The following DYNC1I1 variants were observed in gnomAD, a reference collection of about 807,000 sequenced individuals.
The protein encoded by DYNC1I1 is cytoplasmic dynein 1 intermediate chain 1.
DYNC1I1 carries 43 observed loss-of-function variants against 86.6 expected under a neutral mutation model. The observed-to-expected ratio is 0.50, with a 90% CI of 0.39 to 0.64. The LOEUF is 0.64. Ranked by LOEUF, DYNC1I1 falls within the 30% of genes least tolerant of loss-of-function variation. The pLI is 0.00. For synonymous variants in DYNC1I1, 262 were observed against 283.7 expected (o/e 0.92, Z 0.77); for missense variants, 604 against 788.8 (o/e 0.77, Z 2.81).
intron 6 of DYNC1I1, among the ~76,000 whole-genome samples, chr7:95,883,703 T>C (rs1341048074): frequency 1.3e-5 from 2 of 152,312 alleles, no homozygotes; most frequent in East Asian, 1.9e-4. Context: ...GAAATTCAAA[T>C]CTGGGAGCAG....
At chr7:95,857,780 G>C (rs1789765258) in intron 5 of DYNC1I1, among the ~76,000 whole-genome samples, 1 of 152,178 alleles carries the variant, frequency 6.6e-6, no homozygotes, top group South Asian at 2.1e-4. Flanking sequence ...CTTATCTAGA[G>C]TTTCTAAAAA....
rs201261026 is a variant in DYNC1I1 at position 95,939,684 on chromosome 7, T to C, written c.491-37828T>C. Among the ~76,000 whole-genome samples the C allele has an allele frequency of 1.4e-3, 220 of 151,902 alleles. 1 individual carries two copies. In the East Asian group the frequency reaches 0.036, roughly 25 times the overall value. On this transcript the variant is annotated intron_variant, in intron 6 of 16. Coordinates refer to ENST00000447467, the MANE Select transcript of DYNC1I1 (RefSeq NM_001135556.2). ...CCTCCATCCTTTTATTTTGAGCCTA[T>C]GTGTGTCTCTGCACGTGAGATGGGT...
Position 95,977,497 on chromosome 7 carries a change from C to T in DYNC1I1, c.491-15C>T. On this transcript the variant is annotated splice_polypyrimidine_tract_variant and intron_variant, in intron 6 of 16. Transcript: ENST00000447467. ...AGGAAAGAAAATATTGTATTTTTCT[C>T]TTTCTTTTTTCTAGAGGATGAGGAA... 8 of 1,608,930 alleles carry T rather than the reference C, an allele frequency of 5.0e-6. No individual in the cohort carries two copies. Among genetic ancestry groups the T allele is most frequent in the Non-Finnish European group, 6.8e-6 (8 of 1,178,192 alleles).
At chr7:96,030,129 G>A (rs1402173278) in intron 11 of DYNC1I1, among the ~76,000 whole-genome samples, 2 of 151,868 alleles carry the variant, frequency 1.3e-5, no homozygotes, top group Admixed American at 6.6e-5. Context: ...GATCAAAAAG[G>A]AAAAAGAGGC....
At chr7:95,950,046 G>A (rs1792510797) in intron 6 of DYNC1I1, among the ~76,000 whole-genome samples, 1 of 151,654 alleles carries the variant, frequency 6.6e-6, no homozygotes, top group African/African-American at 2.4e-5. Flanking sequence ...TTTATTTTTA[G>A]ACGTATTCAC....
At chr7:96,100,804 C>T (rs1791124513), downstream of DYNC1I1, among the ~76,000 whole-genome samples, 1 of 151,746 alleles carries the variant, frequency 6.6e-6, no homozygotes, top group East Asian at 1.9e-4. Context: ...TCTGAGTTGC[C>T]CTGGTAGTAC....
At chr7:95,777,755 A>G (rs995095991) in intron 1 of DYNC1I1, among the ~76,000 whole-genome samples, 2 of 152,216 alleles carry the variant, frequency 1.3e-5, no homozygotes, top group Non-Finnish European at 2.9e-5. Flanking sequence ...CTCAAGCACT[A>G]TAGAGGACGA....
chr7:95,971,940 G>A (rs1412120160), intron 6 of DYNC1I1, among the ~76,000 whole-genome samples: 1 of 152,112 alleles, frequency 6.6e-6, no homozygotes, highest in East Asian at 1.9e-4. Context: ...GGTGGCAGAT[G>A]GAGGAGCCAC....
intron 5 of DYNC1I1, among the ~76,000 whole-genome samples, chr7:95,844,826 C>A (rs1053803017): frequency 6.6e-6 from 1 of 152,088 alleles, no homozygotes; most frequent in African/African-American, 2.4e-5. Context: ...ATTGGGGAAG[C>A]TGCAAATCTT....
chr7:95,784,097 C>G (rs1842104), intron 1 of DYNC1I1, among the ~76,000 whole-genome samples: 127,589 of 152,056 alleles, frequency 0.84, 53,860 homozygotes, highest in African/African-American at 0.94. Context: ...TGGAAGACTT[C>G]CCTTCCTGAA....
intron 4 of DYNC1I1, among the ~76,000 whole-genome samples, chr7:95,823,510 G>A (rs1006329782): frequency 2.6e-5 from 4 of 152,028 alleles, no homozygotes; most frequent in Admixed American, 1.3e-4. Flanking sequence ...AGATGTTATC[G>A]GTATATTATT....
chr7:95,941,448 C>T (rs1327129330), intron 6 of DYNC1I1, among the ~76,000 whole-genome samples: 5 of 152,184 alleles, frequency 3.3e-5, no homozygotes, highest in African/African-American at 1.2e-4. Flanking sequence ...CTGTGGTGGG[C>T]TCCACCCAGT....
intron 12 of DYNC1I1, 104 bp from the exon 13 acceptor site, chr7:96,035,515 G>C: frequency 1.4e-6 from 2 of 1,435,962 alleles, no homozygotes; most frequent in Non-Finnish European, 1.8e-6. Context: ...TTGTAACGCT[G>C]TGTGAAAAGC....
chr7:95,990,147 C>G (rs1479593664), intron 9 of DYNC1I1, among the ~76,000 whole-genome samples: 1 of 152,170 alleles, frequency 6.6e-6, no homozygotes, highest in Non-Finnish European at 1.5e-5. Flanking sequence ...TATCATCAAA[C>G]ATCATTCCTT....
At chr7:95,936,385 T>C (rs1792040665) in intron 6 of DYNC1I1, among the ~76,000 whole-genome samples, 1 of 151,924 alleles carries the variant, frequency 6.6e-6, no homozygotes. Flanking sequence ...AAACACTTCT[T>C]ACTAAAAATA....
intron 10 of DYNC1I1, among the ~76,000 whole-genome samples, chr7:95,996,637 T>A (rs1439287807): frequency 6.6e-6 from 1 of 152,224 alleles, no homozygotes; most frequent in Admixed American, 6.5e-5. Context: ...TATTTTTCAT[T>A]CCTTCTCTCT....
chr7:95,774,185 C>A (rs566204869), intron 1 of DYNC1I1, among the ~76,000 whole-genome samples: 54 of 152,314 alleles, frequency 3.5e-4, no homozygotes, highest in Admixed American at 1.6e-3. Flanking sequence ...TAGCACCATC[C>A]TTGGGAAGTT....
chr7:95,946,262 G>A (rs1792397944), intron 6 of DYNC1I1, among the ~76,000 whole-genome samples: 1 of 151,902 alleles, frequency 6.6e-6, no homozygotes, highest in African/African-American at 2.4e-5. Context: ...GATTACCTAT[G>A]TCACAAACCT....
chr7:96,005,911 A>G (rs932217461), intron 10 of DYNC1I1, among the ~76,000 whole-genome samples: 1 of 152,140 alleles, frequency 6.6e-6, no homozygotes, highest in Non-Finnish European at 1.5e-5. Context: ...CATTTTGAGC[A>G]TTTTTCCAAA....
Sources: allele counts gnomAD v4.1 joint callset (sites outside exome capture counted in the v4.1 genomes callset), GRCh38; gene constraint gnomAD v4.1.1; transcripts MANE v1.5; gene names NCBI Gene and HGNC (gene_info 2026-07-23, HGNC 2026-07-21).